The following PPP1R11 variants were observed in gnomAD, a reference collection of about 807,000 sequenced individuals.
PPP1R11 encodes the protein protein phosphatase 1 regulatory inhibitor subunit 11, also known as E3 ubiquitin-protein ligase PPP1R11.
Under a neutral mutation model 11.3 loss-of-function variants are expected in PPP1R11, and 10 were observed. That is an observed-to-expected ratio of 0.88 (90% CI 0.55 to 1.50). The LOEUF (loss-of-function observed/expected upper bound fraction) is 1.50, where lower values mean the gene tolerates loss of function less well. Ranked by LOEUF, PPP1R11 falls within the 40% of genes most tolerant of loss-of-function variation. The probability of loss-of-function intolerance (pLI) is 0.00; values close to 1 mark genes in which losing one functional copy is unlikely to be tolerated. For missense variants in PPP1R11, 114 were observed against 179.1 expected (o/e 0.64, Z 2.07); for synonymous variants, 56 against 62.3 (o/e 0.90, Z 0.48).
chr6:30,062,016 T>G, upstream of PPP1R11: 1 of 1,612,810 alleles, frequency 6.2e-7, no homozygotes, highest in Non-Finnish European at 8.5e-7. Flanking sequence ...CAGGGACCTG[T>G]GGTAAGCTAA....
rs1765620713 is a variant in PPP1R11 at position 30,067,430 on chromosome 6, G to A, written c.20G>A (p.Gly7Glu). 6.2e-7 allele frequency: 1 copy of A among 1,614,060 alleles called. No individual in the cohort carries two copies. Among genetic ancestry groups the A allele is most frequent in the South Asian group, 1.1e-5 (1 of 91,084 alleles). Residue 7 changes from glycine (G) to glutamate (E), a missense_variant, in exon 1 of 3, where the codon GGG becomes GAG. Coordinates refer to ENST00000376772, the MANE Select transcript of PPP1R11 (RefSeq NM_021959.3). ...TTAGCCATGGCCGAGGCAGGGGCTG[G>A]GCTGAGCGAGACCGTCACTGAGACA... Reference protein sequence around the residue: MAEAGAGLSETVTETTV... With the variant: MAEAGAELSETVTETTV...
At chr6:30,068,537 G>A (rs1223443570) in intron 1 of PPP1R11, 53 bp from the exon 2 acceptor site, 2 of 1,466,564 alleles carry the variant, frequency 1.4e-6, no homozygotes, top group East Asian at 4.6e-5. Flanking sequence ...GGAGGGAGTG[G>A]GAAAGGTTAG....
chr6:30,065,981 C>T (rs1255861062), upstream of PPP1R11, among the ~76,000 whole-genome samples: 2 of 152,008 alleles, frequency 1.3e-5, no homozygotes, highest in African/African-American at 4.8e-5. This position sits in a 1 kb window ranked among gnomAD's most constrained non-coding sequence, Gnocchi z 5.3. Flanking sequence ...ATTGTGTGGC[C>T]CTTTATATAT....
At position 30,069,940 on chromosome 6, in the gene PPP1R11, T is replaced by G. The variant is rs115882910; in HGVS notation, c.*634T>G. On this transcript the variant is annotated 3_prime_UTR_variant, in exon 3 of 3. Transcript: ENST00000376772. The surrounding 1 kb of genome is among the most constrained non-coding windows in gnomAD (Gnocchi z 6.6). ...ATAATCATATCCTTTCTTCCCACCC[T>G]TCTCCTGTTATTTAGGATTTCTGAC... 384 of 152,380 alleles carry G rather than the reference T, an allele frequency of 2.5e-3. 1 individual carries two copies. The highest frequency in any genetic ancestry group is 4.5e-3 in the Non-Finnish European group (303 of 68,062). 9.4% of individuals were successfully genotyped at this position (152,380 alleles called of 1,614,324 possible).
chr6:30,064,305 A>AT (rs199991816), upstream of PPP1R11, among the ~76,000 whole-genome samples: 3 of 150,996 alleles, frequency 2.0e-5, no homozygotes, highest in African/African-American at 7.3e-5. Context: ...AAAAAAAAAA[A>AT]TTTTTTTTAA....
chr6:30,062,707 C>A (rs996050852), upstream of PPP1R11, among the ~76,000 whole-genome samples: 2 of 130,516 alleles, frequency 1.5e-5, no homozygotes, highest in African/African-American at 6.4e-5. Flanking sequence ...CATGCCACCA[C>A]GCCTGGCTTT....
intron 1 of PPP1R11, 56 bp downstream of exon 1, chr6:30,067,535 G>A: frequency 6.4e-7 from 1 of 1,567,842 alleles, no homozygotes; most frequent in Non-Finnish European, 8.8e-7. Flanking sequence ...CTGGGAGGGA[G>A]GGGACAGGGA....
intron 1 of PPP1R11, among the ~76,000 whole-genome samples, chr6:30,067,832 CTT>C (rs879294354): frequency 6.6e-6 from 1 of 151,780 alleles, no homozygotes; most frequent in Non-Finnish European, 1.5e-5. Flanking sequence ...TGGAGGCCAA[CTT>C]ATCAATATTA....
upstream of PPP1R11, among the ~76,000 whole-genome samples, chr6:30,065,945 G>A (rs376574397): frequency 2.5e-4 from 38 of 152,200 alleles, 1 homozygote; most frequent in East Asian, 3.5e-3. The surrounding 1 kb of genome is among the most constrained non-coding windows in gnomAD (Gnocchi z 5.3). Flanking sequence ...TAGTGATCAA[G>A]GGGTTACTGT....
intron 2 of PPP1R11, 50 bp downstream of exon 2, chr6:30,068,748 C>A (rs1268300078): frequency 2.7e-6 from 4 of 1,500,258 alleles, no homozygotes; most frequent in Admixed American, 1.7e-5. Flanking sequence ...CTCCCTTCAG[C>A]ATATCTTGTA....
At position 30,069,280 on chromosome 6, in the gene PPP1R11, C is replaced by G; in HGVS notation, c.355C>G (p.Pro119Ala). The stretch of plus-strand genomic sequence containing the variant: ...TCCCCAGCCTCCTGACCCTTCCCAG[C>G]CCCCTCCAGGGCCAATGCAGCACTA... ...TPPQPPDPSQPPPGPMQH is the reference protein window; with the variant it reads ...TPPQPPDPSQAPPGPMQH Residue 119 changes from proline to alanine, a missense_variant, in exon 3 of 3, where the codon CCC becomes GCC. Pro to Ala is a conservative substitution (Grantham distance 27). Coordinates refer to ENST00000376772, the MANE Select transcript of PPP1R11 (RefSeq NM_021959.3). The surrounding 1 kb of genome is among the most constrained non-coding windows in gnomAD (Gnocchi z 6.6). 6.2e-7 allele frequency: 1 copy of G among 1,608,620 alleles called. No homozygotes were observed. The highest frequency in any genetic ancestry group is 8.5e-7 in the Non-Finnish European group (1 of 1,177,130).
chr6:30,068,774 T>G, intron 2 of PPP1R11, 76 bp downstream of exon 2: 1 of 1,317,510 alleles, frequency 7.6e-7, no homozygotes, highest in East Asian at 2.3e-5. Context: ...TCATATCCAC[T>G]GGCTTTCCAG....
chr6:30,067,596 T>A (rs1765635804), intron 1 of PPP1R11, 117 bp downstream of exon 1: 3 of 1,285,762 alleles, frequency 2.3e-6, no homozygotes, highest in Non-Finnish European at 3.3e-6. Context: ...AGGTGTGGGG[T>A]TGAATATCTA....
At chr6:30,067,079 T>C (rs1275277069), upstream of PPP1R11, 2 of 331,522 alleles carry the variant, frequency 6.0e-6, no homozygotes, top group Non-Finnish European at 1.1e-5. Context: ...TTCCGCCAAA[T>C]TTGTTTCTCT....
chr6:30,062,289 A>G (rs748500484), upstream of PPP1R11: 9 of 1,612,944 alleles, frequency 5.6e-6, no homozygotes, highest in African/African-American at 1.2e-4. Context: ...AGATGCGTTC[A>G]GCCGATGAAG....
upstream of PPP1R11, chr6:30,067,007 G>C (rs1765587698): frequency 5.1e-6 from 1 of 195,004 alleles, no homozygotes; most frequent in African/African-American, 2.3e-5. Flanking sequence ...CTTCCTCTAG[G>C]CTGTGAGTAC....
chr6:30,062,207 C>G (rs773904814), upstream of PPP1R11: 31 of 1,603,798 alleles, frequency 1.9e-5, no homozygotes, highest in African/African-American at 3.6e-4. Flanking sequence ...CTCCCTAACC[C>G]ACCAGTTTCT....
chr6:30,069,351 G>A lies in PPP1R11; in HGVS notation c.*45G>A. On this transcript the variant is annotated 3_prime_UTR_variant, in exon 3 of 3. Transcript: ENST00000376772. This position sits in a 1 kb window ranked among gnomAD's most constrained non-coding sequence, Gnocchi z 6.6. ...TTCCTGTGTCTGTCTGGCCCTAAAT[G>A]TATCCATGTGGCTACTTCTCCAGCC... The A allele has an allele frequency of 1.4e-6, 2 of 1,424,698 alleles. No homozygotes were observed. Among genetic ancestry groups the A allele is most frequent in the Non-Finnish European group, 9.5e-7 (1 of 1,048,470 alleles). 88.3% of individuals were successfully genotyped at this position (1,424,698 alleles called of 1,614,324 possible).
chr6:30,062,328 CTGCAAGTGAGTA>C, upstream of PPP1R11: 1 of 1,604,230 alleles, frequency 6.2e-7, no homozygotes, highest in Non-Finnish European at 8.5e-7. Flanking sequence ...CCTGTACCAA[CTGCAAGTGAGTA>C]TTCTTTCCCC....
Sources: allele counts gnomAD v4.1 joint callset (sites outside exome capture counted in the v4.1 genomes callset), GRCh38; gene constraint gnomAD v4.1.1; non-coding constraint Gnocchi (gnomAD v3.1); transcripts MANE v1.5; gene names NCBI Gene and HGNC (gene_info 2026-07-23, HGNC 2026-07-21).